Variants in RALB observed in about 807,000 individuals in gnomAD.
RALB encodes the protein ras-related protein Ral-B.
RALB carries 16 observed loss-of-function variants against 21.3 expected under a neutral mutation model. The ratio of observed to expected loss-of-function variants is 0.75; its 90% CI spans 0.51 to 1.14. RALB has a LOEUF of 1.14. Among genes scored for constraint, RALB ranks in the 50% most tolerant of loss-of-function variants. RALB has a pLI of 0.00. For missense variants in RALB, 161 were observed against 256.2 expected, an observed-to-expected ratio of 0.63 and a Z score of 2.54; for synonymous variants, 93 against 96.1, an observed-to-expected ratio of 0.97 and a Z score of 0.19.
chr2:120,255,045 C>T (rs971669228), intron 1 of RALB, among the ~76,000 whole-genome samples: 2 of 152,124 alleles, frequency 1.3e-5, no homozygotes, highest in Non-Finnish European at 2.9e-5. Flanking sequence ...TAAATTCTTA[C>T]CCCCCTCATG....
chr2:120,251,730 A>G (rs1689060410), upstream of RALB, among the ~76,000 whole-genome samples: 1 of 152,238 alleles, frequency 6.6e-6, no homozygotes, highest in African/African-American at 2.4e-5. Context: ...AGCACTCAAT[A>G]AAAGTTTTAA....
Position 120,282,753 on chromosome 2 carries a change from G to C in RALB, c.115-3121G>C, listed in dbSNP as rs1690023951. Among the ~76,000 whole-genome samples, 4 of 152,062 alleles carry C rather than the reference G, an allele frequency of 2.6e-5. No homozygotes were observed. The South Asian group carries it at 8.3e-4, about 32-fold the overall frequency. The stretch of plus-strand genomic sequence containing the variant: ...TTGAAGAAATTGTAAAATAAAATTG[G>C]GGCAAGGAAGGAATAGAAATGAAGT... On this transcript the variant is annotated intron_variant, in intron 2 of 4. Transcript: ENST00000272519.
In RALB at chr2:120,273,995, G is replaced by T. The variant is rs2104623019; in HGVS notation, c.-47-4623G>T. On this transcript the variant is annotated intron_variant, in intron 1 of 4. Transcript: ENST00000272519. ...CAATTCATTTATTATTTCTTCTAGA[G>T]AAATTGACTTGTTTTTGAAAACAGC... is the stretch of plus-strand genomic sequence containing the variant. Among the ~76,000 whole-genome samples the T allele has an allele frequency of 2.0e-5, 3 of 152,328 alleles. No individual in the cohort carries two copies. In the South Asian group the frequency reaches 6.2e-4, roughly 32 times the overall value.
chr2:120,250,751 G>C (rs1312202568), upstream of RALB, among the ~76,000 whole-genome samples: 1 of 152,188 alleles, frequency 6.6e-6, no homozygotes. Context: ...GACCTGGAAT[G>C]AGCCACCTTA....
At chr2:120,268,789 C>G (rs764113498) in intron 1 of RALB, among the ~76,000 whole-genome samples, 12 of 151,900 alleles carry the variant, frequency 7.9e-5, no homozygotes, top group African/African-American at 2.2e-4. Context: ...AAGAAGAGGC[C>G]GAGGCAAGTT....
At chr2:120,242,601 G>A (rs1688913078) in intron 1 of RALB, among the ~76,000 whole-genome samples, 1 of 152,110 alleles carries the variant, frequency 6.6e-6, no homozygotes, top group Admixed American at 6.5e-5. Flanking sequence ...AGCCGGGCGT[G>A]GTGGCAGGCG....
In RALB at chr2:120,279,486, C is replaced by G. The variant is rs927112244; in HGVS notation, c.114+708C>G. Among the ~76,000 whole-genome samples the G allele has an allele frequency of 2.6e-5, 4 of 152,226 alleles. No homozygotes were observed. In the East Asian group the frequency reaches 7.7e-4, roughly 29 times the overall value. On this transcript the variant is annotated intron_variant, in intron 2 of 4. Coordinates refer to ENST00000272519, the MANE Select transcript of RALB (RefSeq NM_002881.3). ...TAACAATGCAATGATAAAAACAATA[C>G]AAATTAAAACATGCAATGTAACAAC...
At chr2:120,264,393 C>G (rs564659016) in intron 1 of RALB, among the ~76,000 whole-genome samples, 1 of 152,246 alleles carries the variant, frequency 6.6e-6, no homozygotes, top group Admixed American at 6.5e-5. Flanking sequence ...CTCAAGTGAT[C>G]CATCCACCTC....
chr2:120,246,976 C>T (rs957507149), intron 1 of RALB, among the ~76,000 whole-genome samples: 1 of 152,238 alleles, frequency 6.6e-6, no homozygotes, highest in Non-Finnish European at 1.5e-5. Flanking sequence ...TCATATTTCA[C>T]TTTGGAAAGA....
At chr2:120,252,493 G>C (rs917267178), upstream of RALB, among the ~76,000 whole-genome samples, 1 of 152,176 alleles carries the variant, frequency 6.6e-6, no homozygotes, top group African/African-American at 2.4e-5. Flanking sequence ...CCATTACTTC[G>C]TCCTAGCCCT....
Position 120,281,935 on chromosome 2 carries a change from A to G in RALB, c.114+3157A>G, listed in dbSNP as rs147920930. 9.7e-3 allele frequency among the ~76,000 whole-genome samples: 1,479 copies of G among 152,220 alleles called. 15 individuals carry two copies. Among genetic ancestry groups the G allele is most frequent in the Non-Finnish European group, 0.014 (940 of 68,004 alleles). On this transcript the variant is annotated intron_variant, in intron 2 of 4. Coordinates refer to ENST00000272519, the MANE Select transcript of RALB (RefSeq NM_002881.3). ...GGAATATTCGTAAGTGCCTGGAGAC[A>G]TTTTTGGCCATCACAGCTTGGGGGA...
At chr2:120,276,014 C>T (rs1354669854) in intron 1 of RALB, among the ~76,000 whole-genome samples, 1 of 152,208 alleles carries the variant, frequency 6.6e-6, no homozygotes, top group Non-Finnish European at 1.5e-5. Context: ...AGTGTGCCAT[C>T]TGCATAAGGC....
In RALB at chr2:120,269,271, A is replaced by G. The variant is rs565238140; in HGVS notation, c.-47-9347A>G. Among the ~76,000 whole-genome samples the G allele has an allele frequency of 1.4e-4, 22 of 152,218 alleles. No individual in the cohort carries two copies. The South Asian group carries it at 4.6e-3, about 32-fold the overall frequency. Reference sequence around the variant, plus strand: ...TTCCTTCCGGTGGGTTCATGGTCTCACTGACTTCAAGAATGAAGCCGCAAA... The same window carrying G: ...TTCCTTCCGGTGGGTTCATGGTCTCGCTGACTTCAAGAATGAAGCCGCAAA... On this transcript the variant is annotated intron_variant, in intron 1 of 4. Transcript: ENST00000272519.
rs141873003 is a variant in RALB, at chr2:120,246,377, C to T, written c.19+6252C>T. On this transcript the variant is annotated intron_variant, in intron 1 of 3. Transcript: ENST00000447591. Reference sequence around the variant, plus strand: ...CCCCCATCCTAGAATCAGCCTCCAACAGTAAGCAGTGACTAAAGGGCCCTG... The same window carrying T: ...CCCCCATCCTAGAATCAGCCTCCAATAGTAAGCAGTGACTAAAGGGCCCTG... 1.8e-3 allele frequency among the ~76,000 whole-genome samples: 275 copies of T among 152,324 alleles called. 1 individual carries two copies. The highest frequency in any genetic ancestry group is 3.0e-3 in the Non-Finnish European group (201 of 68,026).
rs188526657 is a variant in RALB at position 120,259,758 on chromosome 2, C to T, written c.-48+6778C>T. On this transcript the variant is annotated intron_variant, in intron 1 of 4. Coordinates refer to ENST00000272519, the MANE Select transcript of RALB (RefSeq NM_002881.3). ...TCCTGCGCCATGCACTTGCATTCCTCAGCCCTTGGGTGGTCGATGGGACTG... is the reference window on the plus strand; with the variant it reads ...TCCTGCGCCATGCACTTGCATTCCTTAGCCCTTGGGTGGTCGATGGGACTG... Among the ~76,000 whole-genome samples, 37 of 152,398 alleles carry T rather than the reference C, an allele frequency of 2.4e-4. No homozygotes were observed. In the East Asian group the frequency reaches 6.4e-3, roughly 26 times the overall value.
At chr2:120,245,363 C>T (rs777993772) in intron 1 of RALB, among the ~76,000 whole-genome samples, 3 of 152,310 alleles carry the variant, frequency 2.0e-5, no homozygotes, top group Admixed American at 6.5e-5. Context: ...GTAAAGAGGA[C>T]GTCACAGCTC....
At position 120,252,857 on chromosome 2, in the gene RALB, C is replaced by T. The variant is rs757735588; in HGVS notation, c.-171C>T. Reference sequence around the variant, plus strand: ...GAGGCGCGCTCGGGGGGTGGGAAAGCGAGCCCGGCAGCTCAATGACAAATC... The same window carrying T: ...GAGGCGCGCTCGGGGGGTGGGAAAGTGAGCCCGGCAGCTCAATGACAAATC... On this transcript the variant is annotated 5_prime_UTR_variant, in exon 1 of 5. Transcript: ENST00000272519. 1.5e-5 allele frequency: 15 copies of T among 985,624 alleles called. No homozygotes were observed. Among genetic ancestry groups the T allele is most frequent in the Non-Finnish European group, 1.8e-5 (15 of 830,104 alleles). 61.1% of individuals were successfully genotyped at this position (985,624 alleles called of 1,614,324 possible). A position where few individuals can be genotyped will look rare whatever the true frequency, so the allele number is the denominator to read the frequency against.
At chr2:120,292,033 G>A (rs896277870) in intron 4 of RALB, among the ~76,000 whole-genome samples, 9 of 152,194 alleles carry the variant, frequency 5.9e-5, no homozygotes, top group Middle Eastern at 3.2e-3. Flanking sequence ...ATGTCTCTTC[G>A]TAGGATTCAT....
intron 1 of RALB, among the ~76,000 whole-genome samples, chr2:120,269,999 G>T (rs531219834): frequency 2.6e-5 from 4 of 152,216 alleles, no homozygotes; most frequent in African/African-American, 9.6e-5. Flanking sequence ...TAGAGAAATT[G>T]GGTTTAGCTT....
Sources: gnomAD v4.1 joint callset for allele counts (sites outside exome capture counted in the v4.1 genomes callset) on GRCh38, gnomAD v4.1.1 for gene constraint, MANE v1.5 for transcripts, NCBI Gene and HGNC (gene_info 2026-07-23, HGNC 2026-07-21) for gene names.